GRIA1: variants seen among roughly 807,000 people sequenced by gnomAD.
GRIA1 encodes glutamate receptor 1.
In GRIA1, 31 loss-of-function variants were observed where a neutral mutation model predicts 99.2. The ratio of observed to expected loss-of-function variants is 0.31; its 90% CI spans 0.23 to 0.42. The LOEUF is 0.42. GRIA1 is among the 10% of genes least tolerant of loss of function. The pLI is 1.00. For synonymous variants in GRIA1, 438 were observed against 432.4 expected (o/e 1.01, Z -0.16); for missense variants, 782 against 1,157.5 (o/e 0.68, Z 4.71).
chr5:153,643,054 G>A (rs897051132), intron 2 of GRIA1, among the ~76,000 whole-genome samples: 4 of 152,178 alleles, frequency 2.6e-5, no homozygotes, highest in African/African-American at 4.8e-5. Flanking sequence ...GCTGCAGGCA[G>A]GAGGGGGACA....
intron 2 of GRIA1, among the ~76,000 whole-genome samples, chr5:153,538,019 A>C (rs995463860): frequency 5.9e-5 from 9 of 152,140 alleles, no homozygotes; most frequent in African/African-American, 1.4e-4. Flanking sequence ...GGCAAGGAGG[A>C]GCTGGGCTGG....
At chr5:153,683,752 G>T (rs1267289753) in intron 7 of GRIA1, among the ~76,000 whole-genome samples, 1 of 152,178 alleles carries the variant, frequency 6.6e-6, no homozygotes, top group East Asian at 1.9e-4. Context: ...CACAGTAGTA[G>T]TAGTCGTCAT....
intron 2 of GRIA1, among the ~76,000 whole-genome samples, chr5:153,545,079 G>A (rs1461115847): frequency 2.6e-5 from 4 of 152,142 alleles, no homozygotes; most frequent in Admixed American, 2.6e-4. Flanking sequence ...GGCGCCATGT[G>A]CTCTGAGGAG....
Position 153,764,599 on chromosome 5 carries a change from G to A in GRIA1, c.1989G>A (p.Thr663=), listed in dbSNP as rs535451229. 1.8e-5 allele frequency: 29 copies of A among 1,613,876 alleles called. No homozygotes were observed. Among genetic ancestry groups the A allele is most frequent in the South Asian group, 7.7e-5 (7 of 91,080 alleles). The change falls in exon 12 of 16, where the codon ACG becomes ACA. Residue 663 remains threonine, a synonymous_variant. Coordinates refer to ENST00000285900, the MANE Select transcript of GRIA1 (RefSeq NM_000827.4). ...AGCAGACAGAAATTGCCTACGGGACGCTGGAAGCAGGATCTACTAAGGAGT... is the reference window on the plus strand; with the variant it reads ...AGCAGACAGAAATTGCCTACGGGACACTGGAAGCAGGATCTACTAAGGAGT... The part of the protein sequence containing the change: ...LAKQTEIAYG[T]LEAGSTKEFF...
chr5:153,609,484 C>T (rs1162319003), intron 2 of GRIA1, among the ~76,000 whole-genome samples: 1 of 151,506 alleles, frequency 6.6e-6, no homozygotes, highest in African/African-American at 2.4e-5. Context: ...CATTCTCCCA[C>T]AATGTCCAGC....
At chr5:153,654,012 T>C (rs2149462548) in intron 4 of GRIA1, among the ~76,000 whole-genome samples, 1 of 152,264 alleles carries the variant, frequency 6.6e-6, no homozygotes, top group South Asian at 2.1e-4. Flanking sequence ...CTTGTGAAAT[T>C]GCTTCTTACA....
rs527796683 is a variant in GRIA1, at chr5:153,661,947, G to C, written c.699+6075G>C. 2.6e-5 allele frequency among the ~76,000 whole-genome samples: 4 copies of C among 152,268 alleles called. No homozygotes were observed. The East Asian group carries it at 7.7e-4, about 29-fold the overall frequency. On this transcript the variant is annotated intron_variant, in intron 5 of 15. Coordinates refer to ENST00000285900, the MANE Select transcript of GRIA1 (RefSeq NM_000827.4). ...TTGAATAATACCCAGTGATGGAAAAGTCCTACCTCTGAGACAGCCCCTTTT... is the reference window on the plus strand; with the variant it reads ...TTGAATAATACCCAGTGATGGAAAACTCCTACCTCTGAGACAGCCCCTTTT...
chr5:153,736,927 AAGAT>A (rs1264642000), intron 11 of GRIA1, among the ~76,000 whole-genome samples: 2 of 152,210 alleles, frequency 1.3e-5, no homozygotes, highest in African/African-American at 4.8e-5. Flanking sequence ...GCTTCAAACT[AAGAT>A]AGATCCTGCA....
At chr5:153,505,885 G>A (rs754010580) in intron 2 of GRIA1, among the ~76,000 whole-genome samples, 8 of 152,206 alleles carry the variant, frequency 5.3e-5, no homozygotes, top group Admixed American at 1.3e-4. Flanking sequence ...TTTAAAGTAA[G>A]TGGTCAAAGA....
At chr5:153,715,429 G>A (rs1759600765) in intron 11 of GRIA1, among the ~76,000 whole-genome samples, 2 of 151,940 alleles carry the variant, frequency 1.3e-5, no homozygotes, top group African/African-American at 4.8e-5. Context: ...ATAGTTATAA[G>A]CTTGAACTCT....
intron 5 of GRIA1, among the ~76,000 whole-genome samples, chr5:153,658,328 T>C (rs1014269804): frequency 2.0e-5 from 3 of 152,156 alleles, no homozygotes; most frequent in Non-Finnish European, 4.4e-5. Context: ...GGTAATTACA[T>C]TGCCAGCCTC....
chr5:153,655,508 C>G (rs1006896836), intron 4 of GRIA1, among the ~76,000 whole-genome samples: 1 of 152,108 alleles, frequency 6.6e-6, no homozygotes, highest in African/African-American at 2.4e-5. Flanking sequence ...CAGATGGGTC[C>G]TTGGGGTTAC....
intron 8 of GRIA1, among the ~76,000 whole-genome samples, chr5:153,695,954 C>G (rs1758062181): frequency 6.6e-6 from 1 of 152,192 alleles, no homozygotes; most frequent in East Asian, 1.9e-4. Context: ...GACAGGAACT[C>G]TGGAACAAGT....
chr5:153,508,987 T>G (rs1755802808), intron 2 of GRIA1, among the ~76,000 whole-genome samples: 1 of 152,194 alleles, frequency 6.6e-6, no homozygotes, highest in South Asian at 2.1e-4. Flanking sequence ...GAGGCTAAGC[T>G]TTATCATGCA....
chr5:153,735,740 T>TA (rs1466115691), intron 11 of GRIA1, among the ~76,000 whole-genome samples: 3 of 152,122 alleles, frequency 2.0e-5, no homozygotes, highest in Admixed American at 6.5e-5. Flanking sequence ...AATACATATT[T>TA]AAAAAATAAA....
intron 2 of GRIA1, among the ~76,000 whole-genome samples, chr5:153,552,257 AAAG>A (rs961498659): frequency 2.7e-5 from 4 of 150,372 alleles, no homozygotes; most frequent in African/African-American, 9.7e-5. Flanking sequence ...AGAAAAAAAA[AAAG>A]AAGAAGGTTT....
intron 2 of GRIA1, among the ~76,000 whole-genome samples, chr5:153,499,066 T>A (rs1044400956): frequency 4.6e-5 from 7 of 152,336 alleles, no homozygotes; most frequent in Admixed American, 2.6e-4. Flanking sequence ...GTGTATACAG[T>A]AATGAAGAGA....
chr5:153,498,633 C>T (rs187998150), intron 2 of GRIA1, among the ~76,000 whole-genome samples: 1 of 152,302 alleles, frequency 6.6e-6, no homozygotes, highest in African/African-American at 2.4e-5. Flanking sequence ...CTTGCCTGAA[C>T]ATGGCTCATC....
chr5:153,741,256 G>A (rs1284754209), intron 11 of GRIA1, among the ~76,000 whole-genome samples: 1 of 152,084 alleles, frequency 6.6e-6, no homozygotes, highest in African/African-American at 2.4e-5. Context: ...TTACAGGCGT[G>A]AGCCACCGCT....
Sources: gnomAD v4.1 joint callset for allele counts (sites outside exome capture counted in the v4.1 genomes callset) on GRCh38, gnomAD v4.1.1 for gene constraint, MANE v1.5 for transcripts, NCBI Gene and HGNC (gene_info 2026-07-23, HGNC 2026-07-21) for gene names.